The following NRP1 variants were observed in gnomAD, a reference collection of about 807,000 sequenced individuals.
NRP1 encodes the protein neuropilin-1.
Under a neutral mutation model 106.7 loss-of-function variants are expected in NRP1, and 35 were observed. The observed-to-expected ratio is 0.33, with a 90% CI of 0.25 to 0.43. The LOEUF (loss-of-function observed/expected upper bound fraction) is 0.43, where lower values mean the gene tolerates loss of function less well. NRP1 is among the 20% of genes least tolerant of loss of function. The pLI is 1.00. For missense variants in NRP1, 1,024 were observed against 1,170.4 expected (o/e 0.87, Z 1.83); for synonymous variants, 437 against 417.9 (o/e 1.05, Z -0.56).
rs767881435 is a variant in NRP1, at chr10:33,330,698, TC to T, written c.248+9del. On this transcript the variant is annotated intron_variant, in intron 2 of 16. Coordinates refer to ENST00000374867, the MANE Select transcript of NRP1 (RefSeq NM_003873.7). ...GCTGTGGTGCCCTGTTCAAAAACAT[TC>T]CCACTTACTTGCAGTCTCTGTCCTC... 1 of 1,607,266 alleles carries T rather than the reference TC, an allele frequency of 6.2e-7. No homozygotes were observed. Among genetic ancestry groups the T allele is most frequent in the East Asian group, 2.2e-5 (1 of 44,754 alleles).
chr10:33,320,614 C>T (rs958380351), intron 2 of NRP1, among the ~76,000 whole-genome samples: 1 of 152,208 alleles, frequency 6.6e-6, no homozygotes. Flanking sequence ...TGAATTTTTG[C>T]TGATCTCTTC....
intron 9 of NRP1, among the ~76,000 whole-genome samples, chr10:33,210,857 T>C (rs1388809017): frequency 6.6e-6 from 1 of 152,222 alleles, no homozygotes; most frequent in African/African-American, 2.4e-5. Context: ...GTTTTTAAAA[T>C]CTTGATATGA....
intron 6 of NRP1, among the ~76,000 whole-genome samples, chr10:33,236,318 C>T (rs777010250): frequency 2.0e-5 from 3 of 152,180 alleles, no homozygotes; most frequent in African/African-American, 4.8e-5. Flanking sequence ...GAAAATCTTC[C>T]GGTCAAGAAC....
chr10:33,330,701 CACTT>C lies in NRP1; in HGVS notation c.248+3_248+6del. 2.5e-6 allele frequency: 4 copies of C among 1,607,620 alleles called. No individual in the cohort carries two copies. Among genetic ancestry groups the C allele is most frequent in the Non-Finnish European group, 2.6e-6 (3 of 1,175,640 alleles). ...GTGGTGCCCTGTTCAAAAACATTCC[CACTT>C]ACTTGCAGTCTCTGTCCTCCAAATC... On this transcript the variant is annotated splice_donor_5th_base_variant and intron_variant, in intron 2 of 16. Coordinates refer to ENST00000374867, the MANE Select transcript of NRP1 (RefSeq NM_003873.7).
intron 2 of NRP1, among the ~76,000 whole-genome samples, chr10:33,320,793 A>C (rs544289961): frequency 1.3e-5 from 2 of 152,330 alleles, no homozygotes; most frequent in African/African-American, 4.8e-5. Flanking sequence ...AAATGTAAGT[A>C]AGACATGGTT....
chr10:33,291,111 G>A (rs920991953), intron 2 of NRP1, among the ~76,000 whole-genome samples: 1 of 152,184 alleles, frequency 6.6e-6, no homozygotes, highest in African/African-American at 2.4e-5. Flanking sequence ...TCCACAGAAA[G>A]CAACCTTTAT....
chr10:33,323,914 CAT>C (rs1241386473), intron 2 of NRP1, among the ~76,000 whole-genome samples: 1 of 152,142 alleles, frequency 6.6e-6, no homozygotes, highest in Admixed American at 6.5e-5. Context: ...CCGCTGAAGG[CAT>C]ATGTCTCACT....
At position 33,313,056 on chromosome 10, in the gene NRP1, A is replaced by G. The variant is rs1275565487; in HGVS notation, c.248+17652T>C. Reference sequence around the variant, plus strand: ...ATATTCAACAACAGCAGAACAATACATGTGTATTTCAGAAGACCACATTCT... The same window carrying G: ...ATATTCAACAACAGCAGAACAATACGTGTGTATTTCAGAAGACCACATTCT... On this transcript the variant is annotated intron_variant, in intron 2 of 16. Transcript: ENST00000374867. 2.0e-5 allele frequency among the ~76,000 whole-genome samples: 3 copies of G among 152,368 alleles called. No individual in the cohort carries two copies. In the East Asian group the frequency reaches 5.8e-4, roughly 29 times the overall value.
chr10:33,325,331 A>G (rs958808421), intron 2 of NRP1, among the ~76,000 whole-genome samples: 1 of 152,226 alleles, frequency 6.6e-6, no homozygotes, highest in African/African-American at 2.4e-5. Flanking sequence ...CCTTGGATAC[A>G]AAAAGCCAAA....
At chr10:33,277,058 T>C (rs1014374752) in intron 2 of NRP1, among the ~76,000 whole-genome samples, 5 of 151,508 alleles carry the variant, frequency 3.3e-5, no homozygotes, top group African/African-American at 9.7e-5. Context: ...TGAGCTGTGA[T>C]TGTGCCACTG....
chr10:33,308,581 G>T (rs762890607), intron 2 of NRP1, among the ~76,000 whole-genome samples: 1 of 151,860 alleles, frequency 6.6e-6, no homozygotes, highest in Non-Finnish European at 1.5e-5. Context: ...CTGCCTCCCG[G>T]GTTCAAGTGA....
chr10:33,275,809 C>T (rs1346941816), intron 2 of NRP1, among the ~76,000 whole-genome samples: 2 of 151,602 alleles, frequency 1.3e-5, no homozygotes, highest in African/African-American at 4.9e-5. Flanking sequence ...ACTTGGGAGG[C>T]TGAGGTGGGA....
chr10:33,298,799 G>A (rs1163396862), intron 2 of NRP1, among the ~76,000 whole-genome samples: 1 of 151,924 alleles, frequency 6.6e-6, no homozygotes, highest in African/African-American at 2.4e-5. Context: ...ATATTTACAC[G>A]CATACCACCA....
At chr10:33,237,995 C>T (rs375141631) in intron 6 of NRP1, among the ~76,000 whole-genome samples, 152 of 152,262 alleles carry the variant, frequency 1.0e-3, no homozygotes, top group African/African-American at 3.5e-3. Flanking sequence ...TTATGTAGTC[C>T]AGGAGTCTAG....
At chr10:33,257,755 T>A (rs1189094247) in intron 4 of NRP1, among the ~76,000 whole-genome samples, 3 of 152,110 alleles carry the variant, frequency 2.0e-5, no homozygotes, top group Non-Finnish European at 2.9e-5. Context: ...AGAACCCCCG[T>A]GGATGGCAAA....
intron 6 of NRP1, among the ~76,000 whole-genome samples, chr10:33,247,712 C>G (rs570091696): frequency 1.3e-4 from 20 of 152,348 alleles, no homozygotes; most frequent in African/African-American, 4.6e-4. Context: ...GCCTCACCTG[C>G]ACCCTGGCTG....
chr10:33,307,690 A>G (rs894071269), intron 2 of NRP1, among the ~76,000 whole-genome samples: 1 of 152,232 alleles, frequency 6.6e-6, no homozygotes, highest in African/African-American at 2.4e-5. Context: ...ATTTATGCAT[A>G]CAGATGTTCA....
chr10:33,294,598 C>G (rs1278805044), intron 2 of NRP1, among the ~76,000 whole-genome samples: 1 of 114,220 alleles, frequency 8.8e-6, no homozygotes, highest in Non-Finnish European at 1.8e-5. Context: ...GCCTGGACAA[C>G]AAGAGTGAAA....
At chr10:33,248,276 C>A (rs899036003) in intron 6 of NRP1, among the ~76,000 whole-genome samples, 2 of 151,992 alleles carry the variant, frequency 1.3e-5, no homozygotes, top group African/African-American at 2.4e-5. Context: ...GGCAACAGAG[C>A]GAGACTCTGT....
Sources: allele counts gnomAD v4.1 joint callset (sites outside exome capture counted in the v4.1 genomes callset), GRCh38; gene constraint gnomAD v4.1.1; transcripts MANE v1.5; gene names NCBI Gene and HGNC (gene_info 2026-07-23, HGNC 2026-07-21).